The following ZNF804B variants were observed in gnomAD, a reference collection of about 807,000 sequenced individuals.
The protein encoded by ZNF804B is zinc finger 804B.
A neutral mutation model predicts 101.4 loss-of-function variants in ZNF804B; 80 were observed. That is an observed-to-expected ratio of 0.79 (90% CI 0.66 to 0.95). The LOEUF is 0.95. Among genes scored for constraint, ZNF804B ranks in the 40% least tolerant of loss-of-function variants. The pLI is 0.00. For missense variants in ZNF804B, 1,673 were observed against 1,561.9 expected, an observed-to-expected ratio of 1.07 and a Z score of -1.20; for synonymous variants, 622 against 558.8, an observed-to-expected ratio of 1.11 and a Z score of -1.59.
intron 1 of ZNF804B, among the ~76,000 whole-genome samples, chr7:88,926,942 G>GC (rs1792811464): frequency 1.3e-5 from 1 of 75,770 alleles, no homozygotes; most frequent in African/African-American, 6.6e-5. Flanking sequence ...GTGGTGGGGA[G>GC]CGGGGGGAAA....
intron 1 of ZNF804B, among the ~76,000 whole-genome samples, chr7:88,783,567 G>T (rs1307053759): frequency 6.6e-6 from 1 of 152,090 alleles, no homozygotes; most frequent in Non-Finnish European, 1.5e-5. Context: ...GATCATTGTC[G>T]AAGGTGAGTG....
At chr7:89,229,531 A>C (rs1789155164) in intron 2 of ZNF804B, among the ~76,000 whole-genome samples, 2 of 152,254 alleles carry the variant, frequency 1.3e-5, no homozygotes, top group Admixed American at 6.5e-5. Flanking sequence ...ATGTGTATGT[A>C]TTCAACTCAC....
chr7:89,189,518 G>A (rs1040758805), intron 1 of ZNF804B, among the ~76,000 whole-genome samples: 55 of 152,220 alleles, frequency 3.6e-4, no homozygotes, highest in African/African-American at 1.3e-3. Flanking sequence ...GACAATGAGC[G>A]GGCTGATACA....
intron 1 of ZNF804B, among the ~76,000 whole-genome samples, chr7:88,848,288 G>T (rs562572087): frequency 1.3e-5 from 2 of 152,292 alleles, no homozygotes; most frequent in South Asian, 4.1e-4. Context: ...CAGGCAGAGT[G>T]TCCACATTAT....
At chr7:88,877,025 TAATATATATA>T (rs1791956126) in intron 1 of ZNF804B, among the ~76,000 whole-genome samples, 1 of 59,272 alleles carries the variant, frequency 1.7e-5, no homozygotes, top group Non-Finnish European at 2.7e-5. Flanking sequence ...TATATATATA[TAATATATATA>T]TATATATATA....
chr7:89,069,944 A>C (rs1789511350), intron 1 of ZNF804B, among the ~76,000 whole-genome samples: 1 of 152,186 alleles, frequency 6.6e-6, no homozygotes, highest in Middle Eastern at 3.2e-3. Context: ...TGCCTGCTAC[A>C]AACTTAGTGC....
At chr7:88,981,180 C>T (rs749493942) in intron 1 of ZNF804B, among the ~76,000 whole-genome samples, 27 of 152,138 alleles carry the variant, frequency 1.8e-4, no homozygotes, top group East Asian at 3.9e-4. Flanking sequence ...CTACCACTGA[C>T]GTTTATTCAA....
intron 1 of ZNF804B, among the ~76,000 whole-genome samples, chr7:88,913,753 C>T (rs563380412): frequency 2.6e-5 from 4 of 152,326 alleles, no homozygotes; most frequent in Admixed American, 2.6e-4. Flanking sequence ...TTGTCCTCTA[C>T]ATGACACAAG....
chr7:89,298,201 A>AGT (rs796540032), intron 2 of ZNF804B, among the ~76,000 whole-genome samples: 2,574 of 71,306 alleles, frequency 0.036, 158 homozygotes, highest in Non-Finnish European at 0.048. Context: ...ATATCTATAT[A>AGT]GTGTGTGTGT....
chr7:89,061,867 T>A (rs1481228273), intron 1 of ZNF804B, among the ~76,000 whole-genome samples: 1 of 152,102 alleles, frequency 6.6e-6, no homozygotes, highest in Non-Finnish European at 1.5e-5. Flanking sequence ...ATTAACTTTA[T>A]CTTCTCGTCT....
chr7:89,016,288 G>C (rs1385652244), intron 1 of ZNF804B, among the ~76,000 whole-genome samples: 2 of 152,034 alleles, frequency 1.3e-5, no homozygotes, highest in African/African-American at 2.4e-5. Context: ...TTTGTAGGTT[G>C]CCTGTTCACT....
At chr7:88,988,840 A>C (rs1402176796) in intron 1 of ZNF804B, among the ~76,000 whole-genome samples, 1 of 152,146 alleles carries the variant, frequency 6.6e-6, no homozygotes, top group Non-Finnish European at 1.5e-5. Flanking sequence ...AAACGAATTC[A>C]TGCAAGAAGG....
At position 89,109,205 on chromosome 7, in the gene ZNF804B, A is replaced by C. The variant is rs565610760; in HGVS notation, c.109-108950A>C. Reference sequence around the variant, plus strand: ...CAACATGGTTCTGTTTAATTTACCAACCTATTTTAAATGGAAACATAATGC... The same window carrying C: ...CAACATGGTTCTGTTTAATTTACCACCCTATTTTAAATGGAAACATAATGC... On this transcript the variant is annotated intron_variant, in intron 1 of 3. Coordinates refer to ENST00000333190, the MANE Select transcript of ZNF804B (RefSeq NM_181646.5). 5.2e-4 allele frequency among the ~76,000 whole-genome samples: 79 copies of C among 152,298 alleles called. 1 individual carries two copies. Among genetic ancestry groups the C allele is most frequent in the Admixed American group, 8.5e-4 (13 of 15,288 alleles).
chr7:89,149,417 C>T (rs1790837311), intron 1 of ZNF804B, among the ~76,000 whole-genome samples: 1 of 151,758 alleles, frequency 6.6e-6, no homozygotes, highest in South Asian at 2.1e-4. Flanking sequence ...TTATAGTTAC[C>T]CTATGTTTGC....
At chr7:89,269,090 T>A (rs1789843600) in intron 2 of ZNF804B, among the ~76,000 whole-genome samples, 1 of 152,180 alleles carries the variant, frequency 6.6e-6, no homozygotes, top group South Asian at 2.1e-4. Flanking sequence ...ATACTTTAAG[T>A]TCTAGGGTAC....
At chr7:88,955,610 T>A (rs562746825) in intron 1 of ZNF804B, among the ~76,000 whole-genome samples, 1 of 151,700 alleles carries the variant, frequency 6.6e-6, no homozygotes, top group African/African-American at 2.4e-5. Flanking sequence ...TTTTTGGATA[T>A]TAAACTATTA....
intron 2 of ZNF804B, among the ~76,000 whole-genome samples, chr7:89,254,292 G>A (rs909446357): frequency 2.7e-5 from 4 of 150,870 alleles, no homozygotes; most frequent in East Asian, 1.9e-4. Flanking sequence ...GAAGAAAACC[G>A]CATTTTTAGA....
chr7:88,972,363 A>T (rs918414373), intron 1 of ZNF804B, among the ~76,000 whole-genome samples: 6 of 151,458 alleles, frequency 4.0e-5, no homozygotes, highest in African/African-American at 7.2e-5. Flanking sequence ...AGTAATACCC[A>T]ATTTATTTTA....
At chr7:88,958,573 G>A (rs943373389) in intron 1 of ZNF804B, among the ~76,000 whole-genome samples, 1 of 151,460 alleles carries the variant, frequency 6.6e-6, no homozygotes, top group African/African-American at 2.4e-5. Context: ...TATGAACTAT[G>A]TATAGTACTC....
Sources: gnomAD v4.1 joint callset for allele counts (sites outside exome capture counted in the v4.1 genomes callset) on GRCh38, gnomAD v4.1.1 for gene constraint, MANE v1.5 for transcripts, NCBI Gene and HGNC (gene_info 2026-07-23, HGNC 2026-07-21) for gene names.